Variants in ADAMTS3 observed in about 807,000 individuals in gnomAD.
ADAMTS3 encodes the protein ADAM metallopeptidase with thrombospondin type 1 motif 3.
A neutral mutation model predicts 129.0 loss-of-function variants in ADAMTS3; 73 were observed. The observed-to-expected ratio is 0.57, with a 90% CI of 0.47 to 0.69. ADAMTS3 has a LOEUF of 0.69. ADAMTS3 is among the 30% of genes least tolerant of loss of function. The pLI is 0.00. For synonymous variants in ADAMTS3, 477 were observed against 510.8 expected (o/e 0.93, Z 0.89); for missense variants, 1,457 against 1,514.5 (o/e 0.96, Z 0.63).
At chr4:72,427,927 G>A (rs114332787) in intron 3 of ADAMTS3, among the ~76,000 whole-genome samples, 31 of 152,094 alleles carry the variant, frequency 2.0e-4, no homozygotes, top group East Asian at 7.8e-4. Flanking sequence ...AAATGTTAAC[G>A]TACAGAAAAG....
intron 3 of ADAMTS3, among the ~76,000 whole-genome samples, chr4:72,514,754 A>G (rs1312652625): frequency 6.6e-6 from 1 of 152,218 alleles, no homozygotes; most frequent in African/African-American, 2.4e-5. Flanking sequence ...AAACTAAAAT[A>G]AAATTTAAAA....
At chr4:72,507,494 C>T (rs1217351756) in intron 3 of ADAMTS3, among the ~76,000 whole-genome samples, 2 of 152,204 alleles carry the variant, frequency 1.3e-5, no homozygotes, top group African/African-American at 4.8e-5. Context: ...CCAGTTCTTG[C>T]TCTTGAAGCT....
intron 3 of ADAMTS3, among the ~76,000 whole-genome samples, chr4:72,503,130 T>A (rs1560540580): frequency 1.3e-5 from 2 of 152,092 alleles, no homozygotes; most frequent in Non-Finnish European, 2.9e-5. Context: ...TTCAAGCGAT[T>A]CTCTGCCTCA....
rs150655866 is a variant in ADAMTS3, at chr4:72,473,909, T to G, written c.505-58938A>C. Among the ~76,000 whole-genome samples, 258 of 152,318 alleles carry G rather than the reference T, an allele frequency of 1.7e-3. 1 individual carries two copies. The highest frequency in any genetic ancestry group is 5.9e-3 in the African/African-American group (245 of 41,566). ...GGTTATCTTTTATTGGAGGCCATCCTCAACATGATGTCAGTGAAGACCATG... is the reference window on the plus strand; with the variant it reads ...GGTTATCTTTTATTGGAGGCCATCCGCAACATGATGTCAGTGAAGACCATG... On this transcript the variant is annotated intron_variant, in intron 3 of 21. Transcript: ENST00000286657.
intron 3 of ADAMTS3, among the ~76,000 whole-genome samples, chr4:72,431,145 C>CA (rs1722689482): frequency 6.6e-6 from 1 of 151,824 alleles, no homozygotes; most frequent in Non-Finnish European, 1.5e-5. Flanking sequence ...AAAAGACACC[C>CA]ACAGAGCATA....
chr4:72,480,379 G>T (rs1168728232), intron 3 of ADAMTS3, among the ~76,000 whole-genome samples: 1 of 152,138 alleles, frequency 6.6e-6, no homozygotes, highest in Non-Finnish European at 1.5e-5. Flanking sequence ...AAAAGGATGA[G>T]TTCATGTCCT....
intron 4 of ADAMTS3, among the ~76,000 whole-genome samples, chr4:72,355,919 C>T (rs1720570487): frequency 6.6e-6 from 1 of 151,944 alleles, no homozygotes; most frequent in Non-Finnish European, 1.5e-5. Context: ...AATTAGTATG[C>T]CTTCATCCTA....
intron 3 of ADAMTS3, among the ~76,000 whole-genome samples, chr4:72,520,369 A>G (rs1720630667): frequency 6.6e-6 from 1 of 152,180 alleles, no homozygotes; most frequent in African/African-American, 2.4e-5. Context: ...CTCTCTTCAA[A>G]GCTGTCAGAC....
intron 3 of ADAMTS3, among the ~76,000 whole-genome samples, chr4:72,433,641 A>T (rs1443135030): frequency 1.3e-5 from 2 of 151,926 alleles, no homozygotes; most frequent in African/African-American, 4.8e-5. Context: ...TTCTATAAGA[A>T]ATGGTATGGT....
chr4:72,356,529 A>G (rs1475986829), intron 4 of ADAMTS3, among the ~76,000 whole-genome samples: 1 of 151,898 alleles, frequency 6.6e-6, no homozygotes, highest in Non-Finnish European at 1.5e-5. Context: ...GACACGTACA[A>G]AGTGGAAAAA....
chr4:72,410,578 T>C (rs1722161653), intron 4 of ADAMTS3, among the ~76,000 whole-genome samples: 1 of 152,156 alleles, frequency 6.6e-6, no homozygotes, highest in African/African-American at 2.4e-5. Flanking sequence ...AATGATGTCA[T>C]ACAAGTTCAG....
At chr4:72,312,166 T>C in intron 13 of ADAMTS3, 125 bp downstream of exon 13, 3 of 980,848 alleles carry the variant, frequency 3.1e-6, no homozygotes, top group Non-Finnish European at 4.6e-6. Context: ...GAGAACTTAC[T>C]CCTATAAGCA....
At position 72,456,000 on chromosome 4, in the gene ADAMTS3, TAC is replaced by T. The variant is rs367621548; in HGVS notation, c.505-41031_505-41030del. ...TATAGTATATATACTATATATATTT[TAC>T]ATATAGTATATATACTATATATATA... On this transcript the variant is annotated intron_variant, in intron 3 of 21. Coordinates refer to ENST00000286657, the MANE Select transcript of ADAMTS3 (RefSeq NM_014243.3). 1.3e-3 allele frequency among the ~76,000 whole-genome samples: 21 copies of T among 16,278 alleles called. 1 individual carries two copies. Among genetic ancestry groups the T allele is most frequent in the African/African-American group, 1.6e-3 (11 of 7,050 alleles). The allele number at this position is 16,278 out of a possible 152,430, so 10.7% of individuals were successfully genotyped here.
In ADAMTS3 at chr4:72,348,279, G is replaced by C. The variant is rs532490367; in HGVS notation, c.662-8586C>G. Among the ~76,000 whole-genome samples, 16 of 152,136 alleles carry C rather than the reference G, an allele frequency of 1.1e-4. No individual in the cohort carries two copies. The South Asian group carries it at 1.7e-3, about 16-fold the overall frequency. On this transcript the variant is annotated intron_variant, in intron 4 of 21. Coordinates refer to ENST00000286657, the MANE Select transcript of ADAMTS3 (RefSeq NM_014243.3). The stretch of plus-strand genomic sequence containing the variant: ...GAAGGGAGTAAGAGGGACAAGGCGA[G>C]GGAGGCAAAATTTTAGATAAGGTTC...
chr4:72,326,687 G>A (rs1719707749), intron 5 of ADAMTS3, among the ~76,000 whole-genome samples: 1 of 151,850 alleles, frequency 6.6e-6, no homozygotes, highest in Admixed American at 6.6e-5. Context: ...CCCCATCCAT[G>A]CACAAAGTTT....
At chr4:72,296,832 T>A (rs1251233528) in intron 18 of ADAMTS3, among the ~76,000 whole-genome samples, 1 of 152,128 alleles carries the variant, frequency 6.6e-6, no homozygotes, top group Non-Finnish European at 1.5e-5. Flanking sequence ...CAGTCAAGGA[T>A]CATATGTTGC....
chr4:72,345,783 T>TA (rs1720266471), intron 4 of ADAMTS3, among the ~76,000 whole-genome samples: 1 of 152,186 alleles, frequency 6.6e-6, no homozygotes, highest in South Asian at 2.1e-4. Context: ...GGAAACTTCT[T>TA]ACCTTTTAAG....
intron 15 of ADAMTS3, 122 bp downstream of exon 15, chr4:72,309,275 A>G (rs2109794346): frequency 1.0e-6 from 1 of 1,000,268 alleles, no homozygotes; most frequent in East Asian, 2.5e-5. Context: ...CTGAATAACA[A>G]TAAATCAGCA....
At chr4:72,319,709 T>C (rs1719501877) in intron 8 of ADAMTS3, 149 bp downstream of exon 8, 3 of 779,574 alleles carry the variant, frequency 3.8e-6, no homozygotes, top group Non-Finnish European at 6.3e-6. Flanking sequence ...TTTCCGTGCA[T>C]GACCTCTTCT....
Sources: allele counts gnomAD v4.1 joint callset (sites outside exome capture counted in the v4.1 genomes callset), GRCh38; gene constraint gnomAD v4.1.1; transcripts MANE v1.5; gene names NCBI Gene and HGNC (gene_info 2026-07-23, HGNC 2026-07-21).